The following JAK1 variants were observed in gnomAD, a reference collection of about 807,000 sequenced individuals.
The protein encoded by JAK1 is tyrosine-protein kinase JAK1.
A neutral mutation model predicts 136.6 loss-of-function variants in JAK1; 16 were observed. The observed-to-expected ratio is 0.12, with a 90% confidence interval of 0.08 to 0.18. The LOEUF is 0.18. JAK1 is among the 10% of genes least tolerant of loss of function. JAK1 has a pLI of 1.00. For synonymous variants in JAK1, 492 were observed against 519.5 expected (o/e 0.95, Z 0.72); for missense variants, 859 against 1,450.1 (o/e 0.59, Z 6.62).
At chr1:64,994,183 C>T (rs111953616) in intron 2 of JAK1, among the ~76,000 whole-genome samples, 10,543 of 152,248 alleles carry the variant, frequency 0.069, 765 homozygotes, top group East Asian at 0.27. Context: ...TCAAGTAATC[C>T]GCCTTCCTTG....
At chr1:65,010,626 A>G (rs1461104031) in intron 2 of JAK1, among the ~76,000 whole-genome samples, 1 of 152,210 alleles carries the variant, frequency 6.6e-6, no homozygotes, top group Non-Finnish European at 1.5e-5. Flanking sequence ...GTTGGAAGTC[A>G]CTAAACATTG....
intron 2 of JAK1, among the ~76,000 whole-genome samples, chr1:65,001,707 C>A (rs868109895): frequency 6.8e-6 from 1 of 147,146 alleles, no homozygotes; most frequent in Non-Finnish European, 1.5e-5. Flanking sequence ...GCCTGAAAGG[C>A]AGCAAGTGTG....
intron 2 of JAK1, among the ~76,000 whole-genome samples, chr1:65,010,117 C>T (rs1400749965): frequency 6.6e-6 from 1 of 152,160 alleles, no homozygotes; most frequent in East Asian, 1.9e-4. Flanking sequence ...AAATTGTCCA[C>T]AAATTTTTTG....
At position 64,833,292 on chromosome 1, in the gene JAK1, T is replaced by A. The variant is rs1336454680; in HGVS notation, c.*1270A>T. ...AAAGTGCATATAGAGTGGCCACAGG[T>A]TTGACACAGAGACCTTGGTGATGTA... On this transcript the variant is annotated 3_prime_UTR_variant, in exon 25 of 25. Transcript: ENST00000342505. 1.7e-5 allele frequency: 4 copies of A among 232,164 alleles called. No homozygotes were observed. Among genetic ancestry groups the A allele is most frequent in the Non-Finnish European group, 2.6e-5 (3 of 117,174 alleles). 14.4% of individuals were successfully genotyped at this position (232,164 alleles called of 1,614,324 possible). A position where few individuals can be genotyped will look rare whatever the true frequency, so the allele number is the denominator to read the frequency against.
chr1:65,013,095 CAAAAAA>C (rs34009555), intron 2 of JAK1, among the ~76,000 whole-genome samples: 1 of 44,930 alleles, frequency 2.2e-5, no homozygotes, highest in Non-Finnish European at 4.3e-5. Flanking sequence ...CACTCCGTCT[CAAAAAA>C]AAAAAAAAAA....
At chr1:65,054,743 T>A (rs1227727034) in intron 1 of JAK1, among the ~76,000 whole-genome samples, 1 of 149,804 alleles carries the variant, frequency 6.7e-6, no homozygotes, top group Non-Finnish European at 1.5e-5. Flanking sequence ...TGTCCACGCC[T>A]TTTTCTCATT....
chr1:64,871,879 A>T (rs1026564900), intron 5 of JAK1, among the ~76,000 whole-genome samples: 17 of 152,210 alleles, frequency 1.1e-4, no homozygotes, highest in Non-Finnish European at 1.5e-5. Flanking sequence ...CACGTGTAAC[A>T]AGAATCATCG....
At chr1:65,005,573 A>G (rs1646797602) in intron 2 of JAK1, among the ~76,000 whole-genome samples, 2 of 152,222 alleles carry the variant, frequency 1.3e-5, no homozygotes, top group African/African-American at 2.4e-5. Context: ...CAAATAAATG[A>G]TATACTTTCA....
intron 19 of JAK1, 60 bp downstream of exon 19, chr1:64,841,185 T>C (rs571250197): frequency 8.5e-7 from 1 of 1,177,808 alleles, no homozygotes; most frequent in African/African-American, 1.5e-5. Context: ...GTGCAGAGAG[T>C]GGCGCTGTGG....
At chr1:65,032,746 C>T (rs976436994) in intron 2 of JAK1, among the ~76,000 whole-genome samples, 6 of 152,076 alleles carry the variant, frequency 3.9e-5, no homozygotes, top group South Asian at 2.1e-4. Context: ...TTCATGCATC[C>T]GTTTTTTAAA....
Position 64,984,835 on chromosome 1 carries a change from G to C in JAK1, c.-78+59645C>G. On this transcript the variant is annotated intron_variant, in intron 2 of 25. Coordinates refer to the JAK1 transcript ENST00000671954. This position sits in a 1 kb window ranked among gnomAD's most constrained non-coding sequence, Gnocchi z 4.1. ...GCTCCTAAATAGTAAGCAGCAGAAG[G>C]GAAAAGCAATCTGACTAGGAAGTTG... is the stretch of plus-strand genomic sequence containing the variant. The C allele has an allele frequency of 8.7e-7, 1 of 1,153,900 alleles. No homozygotes were observed. Among genetic ancestry groups the C allele is most frequent in the Non-Finnish European group, 1.3e-6 (1 of 768,682 alleles). The allele number at this position is 1,153,900 out of a possible 1,614,324, so 71.5% of individuals were successfully genotyped here. A position where few individuals can be genotyped will look rare whatever the true frequency, so the allele number is the denominator to read the frequency against.
In JAK1 at chr1:64,847,556, G is replaced by A; in HGVS notation, c.1875C>T (p.Asp625=). 1 of 1,614,102 alleles carries A rather than the reference G, an allele frequency of 6.2e-7. No homozygotes were observed. Among genetic ancestry groups the A allele is most frequent in the African/African-American group, 1.3e-5 (1 of 75,032 alleles). ...KKIKVILKVL[D]PSHRDISLAF... ...CCAGGGAAATATCCCTGTGGCTGGG[G>A]TCTAAGACTTTGAGGATCACTTTTA... Residue 625 remains aspartate, a synonymous_variant, in exon 13 of 25, where the codon GAC becomes GAT. Transcript: ENST00000342505.
intron 2 of JAK1, among the ~76,000 whole-genome samples, chr1:65,031,965 T>TC (rs1647027536): frequency 1.3e-5 from 2 of 151,016 alleles, no homozygotes; most frequent in African/African-American, 2.4e-5. Context: ...CTTTTTCTTT[T>TC]TTTTTTTTTT....
At chr1:65,032,257 C>T (rs1005345408) in intron 2 of JAK1, among the ~76,000 whole-genome samples, 4 of 152,140 alleles carry the variant, frequency 2.6e-5, no homozygotes, top group Admixed American at 2.0e-4. Context: ...TGAGCCACCA[C>T]GCCCAGCCTA....
rs1255606959 is a variant in JAK1 at position 64,861,052 on chromosome 1, A to G, written c.1177-790T>C. Among the ~76,000 whole-genome samples, 8 of 150,838 alleles carry G rather than the reference A, an allele frequency of 5.3e-5. No homozygotes were observed. The East Asian group carries it at 1.6e-3, about 29-fold the overall frequency. ...CAGAGAAGCTGTCCCCTGGGTCCAGATGGGAGAAGAGGAAGCCTGAATCAA... is the reference window on the plus strand; with the variant it reads ...CAGAGAAGCTGTCCCCTGGGTCCAGGTGGGAGAAGAGGAAGCCTGAATCAA... On this transcript the variant is annotated intron_variant, in intron 8 of 24. Transcript: ENST00000342505.
intron 2 of JAK1, among the ~76,000 whole-genome samples, chr1:65,000,740 T>C (rs1258917695): frequency 6.6e-6 from 1 of 152,204 alleles, no homozygotes; most frequent in East Asian, 1.9e-4. Flanking sequence ...CATCAGATTG[T>C]TAACAGTGGT....
At chr1:64,842,932 C>T (rs193275378) in intron 17 of JAK1, among the ~76,000 whole-genome samples, 2 of 152,204 alleles carry the variant, frequency 1.3e-5, no homozygotes, top group East Asian at 3.9e-4. Context: ...TCTGGACTTC[C>T]GCTGCCATTT....
chr1:64,874,305 T>C (rs907993117), intron 4 of JAK1, among the ~76,000 whole-genome samples: 9 of 152,090 alleles, frequency 5.9e-5, no homozygotes, highest in East Asian at 1.9e-4. Context: ...AATAAGTATA[T>C]TGAAAATTTT....
At position 65,031,709 on chromosome 1, in the gene JAK1, G is replaced by A. The variant is rs1170551171; in HGVS notation, c.-78+12771C>T. ...TTTTTTTCAGCAAATAATCTGAAGT[G>A]TTTAGGGGTCTCCTAACATCTCATG... On this transcript the variant is annotated intron_variant, in intron 2 of 25. Transcript: ENST00000671954. Among the ~76,000 whole-genome samples, 3 of 152,078 alleles carry A rather than the reference G, an allele frequency of 2.0e-5. No individual in the cohort carries two copies. The South Asian group carries it at 6.2e-4, about 31-fold the overall frequency.
Sources: gnomAD v4.1 joint callset for allele counts (sites outside exome capture counted in the v4.1 genomes callset) on GRCh38, gnomAD v4.1.1 for gene constraint, Gnocchi (gnomAD v3.1) non-coding constraint, MANE v1.5 for transcripts, NCBI Gene and HGNC (gene_info 2026-07-23, HGNC 2026-07-21) for gene names.